SYT1: variants seen among roughly 807,000 people sequenced by gnomAD.
SYT1 encodes synaptotagmin-1.
Under a neutral mutation model 44.8 loss-of-function variants are expected in SYT1, and 8 were observed. That is an observed-to-expected ratio of 0.18 (90% CI 0.10 to 0.32). SYT1 has a LOEUF of 0.32. SYT1 is among the 10% of genes least tolerant of loss of function. The pLI is 1.00. For synonymous variants in SYT1, 154 were observed against 188.8 expected (o/e 0.82, Z 1.51); for missense variants, 286 against 509.3 (o/e 0.56, Z 4.22).
intron 1 of SYT1, among the ~76,000 whole-genome samples, chr12:78,899,729 T>C (rs1026968722): frequency 6.6e-6 from 1 of 152,052 alleles, no homozygotes; most frequent in South Asian, 2.1e-4. Flanking sequence ...TTTGTGAGCC[T>C]GGCTCTTAAA....
At chr12:79,206,925 G>T (rs1874162233) in intron 3 of SYT1, among the ~76,000 whole-genome samples, 1 of 152,208 alleles carries the variant, frequency 6.6e-6, no homozygotes, top group African/African-American at 2.4e-5. Context: ...AGTGATCACA[G>T]ATGTGAGCCC....
chr12:78,927,496 G>T (rs1877368859), intron 1 of SYT1, among the ~76,000 whole-genome samples: 1 of 152,090 alleles, frequency 6.6e-6, no homozygotes, highest in African/African-American at 2.4e-5. Context: ...GTCCCATTCT[G>T]TAATCTCTGA....
At chr12:79,375,230 A>G (rs1883945535) in intron 9 of SYT1, among the ~76,000 whole-genome samples, 1 of 152,126 alleles carries the variant, frequency 6.6e-6, no homozygotes, top group South Asian at 2.1e-4. Flanking sequence ...GGATTTCACA[A>G]GAGCTCAGAG....
At chr12:79,310,057 T>C (rs1264934632) in intron 8 of SYT1, among the ~76,000 whole-genome samples, 8 of 152,198 alleles carry the variant, frequency 5.3e-5, no homozygotes, top group Non-Finnish European at 1.2e-4. Flanking sequence ...TTTGTTGCCA[T>C]TGCTTTTGGT....
At chr12:79,044,976 G>A (rs1018330468) in intron 2 of SYT1, among the ~76,000 whole-genome samples, 29 of 152,190 alleles carry the variant, frequency 1.9e-4, no homozygotes, top group East Asian at 5.8e-4. Context: ...CAGTCTGCCC[G>A]TTCTCAGATC....
intron 3 of SYT1, among the ~76,000 whole-genome samples, chr12:79,148,765 CAAT>C (rs770586240): frequency 1.6e-4 from 25 of 152,138 alleles, no homozygotes; most frequent in East Asian, 3.9e-4. Context: ...AGCTTTGAAA[CAAT>C]GATGATGATA....
chr12:79,387,285 A>G (rs1427026581), intron 9 of SYT1, among the ~76,000 whole-genome samples: 1 of 152,204 alleles, frequency 6.6e-6, no homozygotes, highest in African/African-American at 2.4e-5. Context: ...AATGGCCCAG[A>G]AAAGAGACTA....
intron 9 of SYT1, among the ~76,000 whole-genome samples, chr12:79,420,856 T>C (rs925851478): frequency 3.9e-5 from 6 of 152,098 alleles, no homozygotes; most frequent in African/African-American, 1.4e-4. Context: ...TCCTTTGCCT[T>C]CTCAGTTACA....
At chr12:78,888,398 C>T (rs921991078) in intron 1 of SYT1, among the ~76,000 whole-genome samples, 1 of 151,824 alleles carries the variant, frequency 6.6e-6, no homozygotes, top group Non-Finnish European at 1.5e-5. Flanking sequence ...TTGACATCAA[C>T]ATCCCCAATG....
At chr12:79,373,925 A>G (rs187987609) in intron 9 of SYT1, among the ~76,000 whole-genome samples, 1 of 152,316 alleles carries the variant, frequency 6.6e-6, no homozygotes, top group Admixed American at 6.5e-5. Flanking sequence ...TTCAGGACTC[A>G]TTTTAGGCAA....
intron 4 of SYT1, among the ~76,000 whole-genome samples, chr12:79,238,114 G>T (rs144311560): frequency 2.6e-5 from 4 of 151,966 alleles, no homozygotes; most frequent in Non-Finnish European, 2.9e-5. Context: ...TAACAGTGAG[G>T]TTGGTGTGAT....
At chr12:79,175,140 T>A (rs2138368765) in intron 3 of SYT1, among the ~76,000 whole-genome samples, 1 of 152,100 alleles carries the variant, frequency 6.6e-6, no homozygotes, top group Admixed American at 6.6e-5. Flanking sequence ...CTGTCCTCTA[T>A]CAAAATTAAT....
intron 4 of SYT1, among the ~76,000 whole-genome samples, chr12:79,244,856 T>C (rs1033998975): frequency 9.9e-5 from 15 of 152,074 alleles, no homozygotes; most frequent in African/African-American, 3.6e-4. Flanking sequence ...TTAACTGAGA[T>C]TTCTATCTTT....
chr12:79,157,230 C>A (rs776592167), intron 3 of SYT1, among the ~76,000 whole-genome samples: 1 of 152,180 alleles, frequency 6.6e-6, no homozygotes. Flanking sequence ...TGCAAGGGAA[C>A]TTTTTAGCAG....
chr12:79,022,173 A>T (rs908849266), intron 2 of SYT1, among the ~76,000 whole-genome samples: 1 of 151,822 alleles, frequency 6.6e-6, no homozygotes, highest in Non-Finnish European at 1.5e-5. Flanking sequence ...GAGAAGTTTT[A>T]TATTTATTAG....
At chr12:79,336,185 A>C (rs540052245) in intron 8 of SYT1, among the ~76,000 whole-genome samples, 1 of 152,256 alleles carries the variant, frequency 6.6e-6, no homozygotes, top group South Asian at 2.1e-4. Flanking sequence ...ATTACTGCAA[A>C]TATGTCTCCT....
chr12:78,868,996 AT>A (rs1873685472), intron 1 of SYT1: 1 of 151,882 alleles, frequency 6.6e-6, no homozygotes, highest in Non-Finnish European at 1.5e-5. Flanking sequence ...CTTTTGGCAG[AT>A]GTTTCTTTCA....
At chr12:79,185,768 A>C (rs759200530) in intron 3 of SYT1, among the ~76,000 whole-genome samples, 2 of 152,046 alleles carry the variant, frequency 1.3e-5, no homozygotes, top group Non-Finnish European at 2.9e-5. Context: ...GTATCATGTA[A>C]TGATTATTTT....
rs111869180 is a variant in SYT1, at chr12:79,350,874, A to G, written c.811-2628A>G. Among the ~76,000 whole-genome samples, 483 of 152,312 alleles carry G rather than the reference A, an allele frequency of 3.2e-3. 4 individuals are homozygous for G. The highest frequency in any genetic ancestry group is 9.8e-3 in the African/African-American group (406 of 41,564). Reference sequence around the variant, plus strand: ...TTTCTCTATCTTGTTGATGCCCATAAAGGACACAAATTTCAGGAAAATCAA... The same window carrying G: ...TTTCTCTATCTTGTTGATGCCCATAGAGGACACAAATTTCAGGAAAATCAA... On this transcript the variant is annotated intron_variant, in intron 8 of 10. Transcript: ENST00000261205.
Sources: gnomAD v4.1 joint callset for allele counts (sites outside exome capture counted in the v4.1 genomes callset) on GRCh38, gnomAD v4.1.1 for gene constraint, MANE v1.5 for transcripts, NCBI Gene and HGNC (gene_info 2026-07-23, HGNC 2026-07-21) for gene names.